CTXND1: variants seen among roughly 807,000 people sequenced by gnomAD.
CTXND1 encodes cortexin domain containing 1, also known as cortexin domain-containing 1 protein.
intron 1 of CTXND1, among the ~76,000 whole-genome samples, chr15:80,249,447 G>T (rs1394013228): frequency 6.6e-6 from 1 of 152,166 alleles, no homozygotes; most frequent in Non-Finnish European, 1.5e-5. Context: ...AATTCAAGTT[G>T]CTTCTCTGAT....
intron 1 of CTXND1, among the ~76,000 whole-genome samples, chr15:80,241,618 T>C (rs781516656): frequency 1.4e-4 from 22 of 152,172 alleles, no homozygotes; most frequent in Non-Finnish European, 2.6e-4. Context: ...GGGTGCTCAG[T>C]AACCATGCAC....
At chr15:80,230,685 G>A (rs1893417963) in intron 1 of CTXND1, among the ~76,000 whole-genome samples, 1 of 152,074 alleles carries the variant, frequency 6.6e-6, no homozygotes, top group South Asian at 2.1e-4. Context: ...AGCTATAAAT[G>A]TTCCTTTAAG....
At chr15:80,212,434 T>C (rs753740645) in intron 1 of CTXND1, among the ~76,000 whole-genome samples, 13 of 152,226 alleles carry the variant, frequency 8.5e-5, no homozygotes, top group Non-Finnish European at 1.5e-4. Context: ...CAATGTTAAA[T>C]CAGACCTAGT....
rs112194464 is a variant in CTXND1 at position 80,241,332 on chromosome 15, T to C, written c.-218+10675A>G. Among the ~76,000 whole-genome samples, 251 of 152,174 alleles carry C rather than the reference T, an allele frequency of 1.6e-3. 2 individuals carry two copies. Among genetic ancestry groups the C allele is most frequent in the African/African-American group, 5.5e-3 (227 of 41,564 alleles). On this transcript the variant is annotated intron_variant, in intron 1 of 2. Transcript: ENST00000560778. ...GCCTCCTGTTCCTTCTTTTCTCATA[T>C]ATTATTCTCCAAACGCTGGGCTTCT...
At chr15:80,245,150 G>A (rs1006594816) in intron 1 of CTXND1, among the ~76,000 whole-genome samples, 10 of 152,106 alleles carry the variant, frequency 6.6e-5, no homozygotes, top group African/African-American at 1.4e-4. Flanking sequence ...TAACACCAGC[G>A]GCTATCGTGA....
At chr15:80,206,574 A>C (rs1019220681) in intron 1 of CTXND1, among the ~76,000 whole-genome samples, 1 of 151,078 alleles carries the variant, frequency 6.6e-6, no homozygotes, top group Non-Finnish European at 1.5e-5. Context: ...TCTTACTCTT[A>C]TTTTCTCTTC....
chr15:80,250,343 T>TC, intron 1 of CTXND1, among the ~76,000 whole-genome samples: 1 of 152,310 alleles, frequency 6.6e-6, no homozygotes, highest in South Asian at 2.1e-4. Context: ...GTTTTTTTTT[T>TC]TCAGGCCAAT....
At chr15:80,219,159 G>C (rs1555444720) in intron 1 of CTXND1, among the ~76,000 whole-genome samples, 5 of 149,904 alleles carry the variant, frequency 3.3e-5, no homozygotes, top group Non-Finnish European at 4.4e-5. Context: ...TGCCCAGGCT[G>C]GTCTCAAACT....
intron 1 of CTXND1, among the ~76,000 whole-genome samples, chr15:80,241,314 G>A (rs12902454): frequency 6.6e-6 from 1 of 152,076 alleles, no homozygotes; most frequent in African/African-American, 2.4e-5. Context: ...CCTGCCTCCT[G>A]TTCCTTCTTT....
intron 1 of CTXND1, among the ~76,000 whole-genome samples, chr15:80,238,083 T>C (rs941964521): frequency 8.6e-5 from 13 of 151,884 alleles, no homozygotes; most frequent in Non-Finnish European, 1.9e-4. Context: ...TGTTAATTTA[T>C]TACGGAAGAA....
At chr15:80,240,123 G>A (rs761860216) in intron 1 of CTXND1, among the ~76,000 whole-genome samples, 1 of 152,046 alleles carries the variant, frequency 6.6e-6, no homozygotes, top group African/African-American at 2.4e-5. Context: ...GCACCAACAC[G>A]CTCGGCTAAT....
At chr15:80,227,770 G>A (rs1296364517) in intron 1 of CTXND1, among the ~76,000 whole-genome samples, 1 of 152,204 alleles carries the variant, frequency 6.6e-6, no homozygotes, top group Non-Finnish European at 1.5e-5. Flanking sequence ...CTGGTGGAGG[G>A]TCTTGCCTAG....
intron 1 of CTXND1, among the ~76,000 whole-genome samples, chr15:80,237,062 G>A (rs576968886): frequency 2.6e-5 from 4 of 152,182 alleles, no homozygotes; most frequent in Non-Finnish European, 4.4e-5. Context: ...TTGGCCAGGC[G>A]CGGTGGCTCA....
chr15:80,211,540 C>T (rs982939964), intron 1 of CTXND1, among the ~76,000 whole-genome samples: 4 of 152,096 alleles, frequency 2.6e-5, no homozygotes, highest in Non-Finnish European at 5.9e-5. Context: ...ATTAACAGGC[C>T]TGTCAGGGGG....
In CTXND1 at chr15:80,196,321, A is replaced by G. The variant is rs2041420063; in HGVS notation, c.*5449T>C. On this transcript the variant is annotated 3_prime_UTR_variant, in exon 3 of 3. Transcript: ENST00000560778. ...TTAGGAATCTGTGGATACTGTGGCA[A>G]CTCATTGAAGACACGGCACTAAGAA... 1 of 152,180 alleles carries G rather than the reference A, an allele frequency of 6.6e-6. No homozygotes were observed. The highest frequency in any genetic ancestry group is 2.4e-5 in the African/African-American group (1 of 41,438). 9.4% of individuals were successfully genotyped at this position (152,180 alleles called of 1,614,324 possible).
intron 1 of CTXND1, among the ~76,000 whole-genome samples, chr15:80,230,236 A>T (rs1893413369): frequency 1.3e-5 from 2 of 152,202 alleles, no homozygotes; most frequent in Admixed American, 1.3e-4. Flanking sequence ...CTGTGCAGGC[A>T]AGTGTGATGA....
At chr15:80,219,913 G>T (rs763421569) in intron 1 of CTXND1, among the ~76,000 whole-genome samples, 1 of 152,048 alleles carries the variant, frequency 6.6e-6, no homozygotes, top group Non-Finnish European at 1.5e-5. Context: ...CTGGTCTTGT[G>T]CTTTGCCATT....
At chr15:80,209,244 T>C (rs922747942) in intron 1 of CTXND1, among the ~76,000 whole-genome samples, 2 of 152,236 alleles carry the variant, frequency 1.3e-5, no homozygotes, top group Admixed American at 1.3e-4. Flanking sequence ...AGTTGGAATG[T>C]GCTCATTAAC....
intron 1 of CTXND1, among the ~76,000 whole-genome samples, chr15:80,241,813 G>C (rs1219403628): frequency 6.6e-6 from 1 of 152,194 alleles, no homozygotes; most frequent in Non-Finnish European, 1.5e-5. Flanking sequence ...CTGGAAACCT[G>C]CCTAGTGCAG....
Sources: gnomAD v4.1 joint callset for allele counts (sites outside exome capture counted in the v4.1 genomes callset) on GRCh38, gnomAD v4.1.1 for gene constraint, MANE v1.5 for transcripts, NCBI Gene and HGNC (gene_info 2026-07-23, HGNC 2026-07-21) for gene names.